The following GRK3 variants were observed in gnomAD, a reference collection of about 807,000 sequenced individuals.
The protein encoded by GRK3 is G protein-coupled receptor kinase 3.
GRK3 carries 54 observed loss-of-function variants against 95.7 expected under a neutral mutation model. The observed-to-expected ratio is 0.56, with a 90% CI of 0.45 to 0.71. The LOEUF (loss-of-function observed/expected upper bound fraction) is 0.71, where lower values mean the gene tolerates loss of function less well. Ranked by LOEUF, GRK3 falls within the 30% of genes least tolerant of loss-of-function variation. GRK3 has a pLI of 0.00. For missense variants in GRK3, 649 were observed against 851.2 expected, an observed-to-expected ratio of 0.76 and a Z score of 2.96; for synonymous variants, 281 against 290.8, an observed-to-expected ratio of 0.97 and a Z score of 0.34.
rs538622462 is a variant in GRK3 at position 25,589,947 on chromosome 22, A to G, written c.114-14430A>G. On this transcript the variant is annotated intron_variant, in intron 1 of 20. Coordinates refer to ENST00000324198, the MANE Select transcript of GRK3 (RefSeq NM_005160.4). ...TCAGATCTCGTGAGACTAATTCACTATCATGAAAACAGCATGGGAAAGATC... is the reference window on the plus strand; with the variant it reads ...TCAGATCTCGTGAGACTAATTCACTGTCATGAAAACAGCATGGGAAAGATC... Among the ~76,000 whole-genome samples, 10 of 152,298 alleles carry G rather than the reference A, an allele frequency of 6.6e-5. No homozygotes were observed. The East Asian group carries it at 1.7e-3, about 26-fold the overall frequency.
intron 2 of GRK3, 73 bp from the exon 3 acceptor site, chr22:25,644,519 C>T: frequency 1.4e-6 from 1 of 701,440 alleles, no homozygotes; most frequent in Non-Finnish European, 2.4e-6. Context: ...AAACACATTG[C>T]TTTGAAAACA....
At chr22:25,589,557 ATTT>A (rs1386743488) in intron 1 of GRK3, among the ~76,000 whole-genome samples, 1 of 152,174 alleles carries the variant, frequency 6.6e-6, no homozygotes, top group Non-Finnish European at 1.5e-5. Context: ...CATAACTCTT[ATTT>A]TGGTGAGGAG....
Position 25,695,926 on chromosome 22 carries a change from C to T in GRK3, c.1160+712C>T, listed in dbSNP as rs186190197. On this transcript the variant is annotated intron_variant, in intron 13 of 20. Transcript: ENST00000324198. ...TCTGCTCACTGCAAGCTCCGCCTCCCGGGTTCACGCCATTCTCCTGCCTCA... is the reference window on the plus strand; with the variant it reads ...TCTGCTCACTGCAAGCTCCGCCTCCTGGGTTCACGCCATTCTCCTGCCTCA... Among the ~76,000 whole-genome samples the T allele has an allele frequency of 1.7e-3, 260 of 151,878 alleles. 2 individuals carry two copies. In the Middle Eastern group the frequency reaches 0.024, roughly 14 times the overall value.
At chr22:25,569,503 C>T (rs1931608280) in intron 1 of GRK3, among the ~76,000 whole-genome samples, 2 of 152,190 alleles carry the variant, frequency 1.3e-5, no homozygotes, top group Admixed American at 1.3e-4. Flanking sequence ...CTTTTACACG[C>T]AATGGATTCT....
In GRK3 at chr22:25,672,364, T is replaced by C. The variant is rs761190491; in HGVS notation, c.555+17T>C. ...AATATCCATGTGAGTATCATCTTTTTCTTTTTTCATTTTTTAAATAAAAAC... is the reference window on the plus strand; with the variant it reads ...AATATCCATGTGAGTATCATCTTTTCCTTTTTTCATTTTTTAAATAAAAAC... On this transcript the variant is annotated intron_variant, in intron 7 of 20. Coordinates refer to ENST00000324198, the MANE Select transcript of GRK3 (RefSeq NM_005160.4). 59 of 1,365,554 alleles carry C rather than the reference T, an allele frequency of 4.3e-5. 2 individuals carry two copies. Among genetic ancestry groups the C allele is most frequent in the Middle Eastern group, 3.6e-4 (2 of 5,524 alleles). 84.6% of individuals were successfully genotyped at this position (1,365,554 alleles called of 1,614,324 possible).
intron 19 of GRK3, 146 bp from the exon 20 acceptor site, chr22:25,721,137 AT>A: frequency 6.3e-6 from 3 of 473,456 alleles, no homozygotes; most frequent in East Asian, 7.8e-5. Context: ...CTTTATAGCC[AT>A]TTTCCCCTTA....
chr22:25,615,864 G>A (rs2084533960), intron 2 of GRK3, among the ~76,000 whole-genome samples: 1 of 147,736 alleles, frequency 6.8e-6, no homozygotes, highest in Non-Finnish European at 1.5e-5. Context: ...ATTGAGCAAA[G>A]TCCTCTGGGA....
rs199789488 is a variant in GRK3 at position 25,678,812 on chromosome 22, C to A, written c.648-4C>A. Reference sequence around the variant, plus strand: ...TAGATTTTTCAATAAATTTATGTTTCTAGGTATGCAATGAAATGCTTAGAT... The same window carrying A: ...TAGATTTTTCAATAAATTTATGTTTATAGGTATGCAATGAAATGCTTAGAT... On this transcript the variant is annotated splice_region_variant and splice_polypyrimidine_tract_variant and intron_variant, in intron 8 of 20. Coordinates refer to ENST00000324198, the MANE Select transcript of GRK3 (RefSeq NM_005160.4). 1.7e-5 allele frequency: 26 copies of A among 1,534,530 alleles called. No individual in the cohort carries two copies. In the Admixed American group the frequency reaches 4.0e-4, roughly 23 times the overall value.
intron 3 of GRK3, among the ~76,000 whole-genome samples, chr22:25,653,502 A>C (rs888586474): frequency 6.6e-6 from 1 of 152,250 alleles, no homozygotes; most frequent in Non-Finnish European, 1.5e-5. Flanking sequence ...ACTTCAAAGA[A>C]TATAAAGCAA....
At chr22:25,667,655 C>G in intron 5 of GRK3, 84 bp from the exon 6 acceptor site, 1 of 952,922 alleles carries the variant, frequency 1.0e-6, no homozygotes, top group South Asian at 1.4e-5. Flanking sequence ...TTGGGAACTT[C>G]GCTTAACCTG....
intron 13 of GRK3, among the ~76,000 whole-genome samples, chr22:25,701,803 G>T (rs2085261128): frequency 6.6e-6 from 1 of 152,166 alleles, no homozygotes; most frequent in African/African-American, 2.4e-5. Flanking sequence ...AAACAGCTAA[G>T]TGTCAAGCAG....
At chr22:25,609,504 G>C (rs560958058) in intron 2 of GRK3, among the ~76,000 whole-genome samples, 67 of 152,050 alleles carry the variant, frequency 4.4e-4, no homozygotes, top group South Asian at 3.3e-3. Flanking sequence ...GCTAATTTTT[G>C]TATTTTTAGT....
intron 1 of GRK3, among the ~76,000 whole-genome samples, chr22:25,595,174 A>G (rs2084364166): frequency 6.6e-6 from 1 of 152,238 alleles, no homozygotes; most frequent in Admixed American, 6.5e-5. Flanking sequence ...AGGCAAGAGA[A>G]AAAATAGAAG....
chr22:25,573,572 T>C (rs928558678), intron 1 of GRK3, among the ~76,000 whole-genome samples: 7 of 152,182 alleles, frequency 4.6e-5, no homozygotes, highest in Non-Finnish European at 1.0e-4. Context: ...AAGTGAGCTT[T>C]AAATATGCAG....
At chr22:25,662,463 C>T (rs2084915639) in intron 4 of GRK3, among the ~76,000 whole-genome samples, 1 of 152,226 alleles carries the variant, frequency 6.6e-6, no homozygotes, top group African/African-American at 2.4e-5. Flanking sequence ...GGCACAGATA[C>T]ACAACCCTCC....
intron 2 of GRK3, among the ~76,000 whole-genome samples, chr22:25,628,779 G>T (rs2084644828): frequency 6.6e-6 from 1 of 152,188 alleles, no homozygotes; most frequent in Admixed American, 6.5e-5. Context: ...ATTTGTAACA[G>T]GTTGTTACAG....
At chr22:25,694,440 A>G (rs2085190372) in intron 12 of GRK3, among the ~76,000 whole-genome samples, 1 of 152,138 alleles carries the variant, frequency 6.6e-6, no homozygotes, top group Admixed American at 6.5e-5. Flanking sequence ...TTATATATAA[A>G]ATGGTTGTCC....
chr22:25,565,133 G>T lies in GRK3; in HGVS notation c.93G>T (p.Arg31Ser), dbSNP rs374003306. 1.9e-6 allele frequency: 3 copies of T among 1,544,312 alleles called. No homozygotes were observed. The African/African-American group carries it at 4.3e-5, about 22-fold the overall frequency. ...CCCCGGCCGCCCGCGCCAGCAAGAGGATCGTCCTGCCGGAGCCCAGGTACC... is the reference window on the plus strand; with the variant it reads ...CCCCGGCCGCCCGCGCCAGCAAGAGTATCGTCCTGCCGGAGCCCAGGTACC... The part of the protein sequence containing the change: ...KATPAARASK[R>S]IVLPEPSIRS... Residue 31 changes from arginine to serine, a missense_variant, in exon 1 of 21, where the codon AGG (arginine) becomes AGT (serine). Arg to Ser is a moderately radical substitution (Grantham distance 110). Transcript: ENST00000324198.
chr22:25,680,508 G>A (rs1032687131), intron 9 of GRK3, among the ~76,000 whole-genome samples: 15 of 152,088 alleles, frequency 9.9e-5, no homozygotes, highest in Non-Finnish European at 1.3e-4. Flanking sequence ...GAAAATAAAC[G>A]TTTTAATGTT....
Sources: allele counts gnomAD v4.1 joint callset (sites outside exome capture counted in the v4.1 genomes callset), GRCh38; gene constraint gnomAD v4.1.1; transcripts MANE v1.5; gene names NCBI Gene and HGNC (gene_info 2026-07-23, HGNC 2026-07-21).